TYW1B: variants seen among roughly 807,000 people sequenced by gnomAD.
TYW1B encodes S-adenosyl-L-methionine-dependent tRNA 4-demethylwyosine synthase TYW1B.
A neutral mutation model predicts 86.9 loss-of-function variants in TYW1B; 73 were observed. The observed-to-expected ratio is 0.84, with a 90% confidence interval of 0.70 to 1.02. TYW1B has a LOEUF of 1.02. Among genes scored for constraint, TYW1B ranks in the 50% least tolerant of loss-of-function variants. The pLI is 0.00. For missense variants in TYW1B, 637 were observed against 827.4 expected (o/e 0.77, Z 2.82); for synonymous variants, 248 against 292.8 (o/e 0.85, Z 1.56).
At chr7:72,797,718 A>G (rs1187533788) in intron 6 of TYW1B, among the ~76,000 whole-genome samples, 2 of 152,166 alleles carry the variant, frequency 1.3e-5, no homozygotes, top group Admixed American at 1.3e-4. Context: ...CCCTGTCTCA[A>G]AAACATCAAA....
At chr7:72,587,029 T>C (rs1260564667) in intron 13 of TYW1B, among the ~76,000 whole-genome samples, 1 of 152,198 alleles carries the variant, frequency 6.6e-6, no homozygotes, top group African/African-American at 2.4e-5. Flanking sequence ...GGCTTTTATG[T>C]AATCTTAGTG....
chr7:72,681,610 T>C (rs1328680604), intron 11 of TYW1B, among the ~76,000 whole-genome samples: 2 of 149,842 alleles, frequency 1.3e-5, no homozygotes, highest in Non-Finnish European at 3.0e-5. Context: ...TTTTTTTTTT[T>C]TTGAGTTAGA....
Position 72,728,861 on chromosome 7 carries a change from C to A in TYW1B, c.1153G>T (p.Ala385Ser), listed in dbSNP as rs1373672981. The A allele has an allele frequency of 1.9e-6, 3 of 1,613,836 alleles. No homozygotes were observed. In the African/African-American group the frequency reaches 4.0e-5, roughly 22 times the overall value. ...ATCATGTTCTGATGGTTTTCAATGG[C>A]TTCCTTCAAGATCATTTCAGGCTGG... ...MDQPEMILKEAIENHQNMIKQ... is the reference protein window; with the variant it reads ...MDQPEMILKESIENHQNMIKQ... The change falls in exon 9 of 14, where the codon GCC becomes TCC. Residue 385 changes from alanine (A) to serine (S), a missense_variant. Ala to Ser is a moderately conservative substitution (Grantham distance 99, BLOSUM62 1). Transcript: ENST00000620995.
chr7:72,648,544 GAAA>G (rs1171338007), intron 11 of TYW1B, among the ~76,000 whole-genome samples: 1 of 75,204 alleles, frequency 1.3e-5, no homozygotes, highest in Non-Finnish European at 2.9e-5. Context: ...CTCTGTCTCA[GAAA>G]AAAAAAAAAA....
chr7:72,731,139 A>AG (rs1305582493), intron 8 of TYW1B, among the ~76,000 whole-genome samples: 1 of 149,808 alleles, frequency 6.7e-6, no homozygotes, highest in East Asian at 1.9e-4. Context: ...AAAAAAAAAA[A>AG]AAAAAAAAGA....
At position 72,721,729 on chromosome 7, in the gene TYW1B, T is replaced by C. The variant is rs563118737; in HGVS notation, c.1192+7093A>G. 3.9e-5 allele frequency among the ~76,000 whole-genome samples: 6 copies of C among 152,216 alleles called. No homozygotes were observed. In the South Asian group the frequency reaches 1.2e-3, roughly 32 times the overall value. On this transcript the variant is annotated intron_variant, in intron 9 of 13. Transcript: ENST00000620995. The stretch of plus-strand genomic sequence containing the variant: ...AATCTTAACCCTTTCACAACTAAAC[T>C]CTGCTTTGTTATTCTAGTTCTTTGG...
chr7:72,761,326 A>G (rs1174192859), intron 7 of TYW1B, among the ~76,000 whole-genome samples: 1 of 152,178 alleles, frequency 6.6e-6, no homozygotes, highest in Non-Finnish European at 1.5e-5. Flanking sequence ...GGTTACGAAC[A>G]GTTAAAAATT....
In TYW1B at chr7:72,815,535, C is replaced by T. The variant is rs1162251927; in HGVS notation, c.136-54G>A. On this transcript the variant is annotated intron_variant, in intron 2 of 13. Coordinates refer to ENST00000620995, the MANE Select transcript of TYW1B (RefSeq NM_001145440.3). ...AAGTCTTCAATGAGCCAAATATAGCCCTCATTTACCCCTGTTGGCACAAGA... is the reference window on the plus strand; with the variant it reads ...AAGTCTTCAATGAGCCAAATATAGCTCTCATTTACCCCTGTTGGCACAAGA... The T allele has an allele frequency of 3.4e-6, 5 of 1,479,884 alleles. No homozygotes were observed. In the Admixed American group the frequency reaches 1.0e-4, roughly 31 times the overall value. The allele number at this position is 1,479,884 out of a possible 1,614,324, so 91.7% of individuals were successfully genotyped here. A position where few individuals can be genotyped will look rare whatever the true frequency, so the allele number is the denominator to read the frequency against.
intron 7 of TYW1B, among the ~76,000 whole-genome samples, chr7:72,752,424 C>CA (rs782087109): frequency 7.2e-5 from 11 of 152,010 alleles, no homozygotes; most frequent in Non-Finnish European, 1.2e-4. Flanking sequence ...GTTTCACAGG[C>CA]ATATACATGT....
At chr7:72,679,628 T>C (rs1229422699) in intron 11 of TYW1B, among the ~76,000 whole-genome samples, 5 of 152,178 alleles carry the variant, frequency 3.3e-5, no homozygotes, top group South Asian at 2.1e-4. Flanking sequence ...GTGGTAATAG[T>C]TGCATATAAT....
intron 7 of TYW1B, among the ~76,000 whole-genome samples, chr7:72,767,777 C>G (rs1312729308): frequency 7.2e-5 from 11 of 152,114 alleles, no homozygotes; most frequent in Non-Finnish European, 2.9e-5. Context: ...AAATAACCAT[C>G]ATTTTCTTCT....
intron 9 of TYW1B, among the ~76,000 whole-genome samples, chr7:72,725,217 C>T (rs1786975898): frequency 1.3e-5 from 2 of 151,698 alleles, no homozygotes; most frequent in Non-Finnish European, 2.9e-5. Context: ...TGCAAAAACG[C>T]TCCTGTCAGA....
At chr7:72,751,736 T>C (rs1469692380) in intron 7 of TYW1B, among the ~76,000 whole-genome samples, 3 of 152,250 alleles carry the variant, frequency 2.0e-5, no homozygotes, top group African/African-American at 4.8e-5. Flanking sequence ...GTCTATTATG[T>C]TGGAAATTCT....
intron 6 of TYW1B, among the ~76,000 whole-genome samples, chr7:72,787,835 A>G (rs1215962364): frequency 6.6e-6 from 1 of 152,178 alleles, no homozygotes; most frequent in Non-Finnish European, 1.5e-5. Context: ...CGGCTTTTCA[A>G]GATTATAAAG....
At chr7:72,668,441 G>A (rs1813517440) in intron 11 of TYW1B, among the ~76,000 whole-genome samples, 1 of 152,204 alleles carries the variant, frequency 6.6e-6, no homozygotes, top group Non-Finnish European at 1.5e-5. Context: ...TCAGCTTGTG[G>A]ACAGCTAGAT....
At chr7:72,693,310 C>T (rs1464597415) in intron 11 of TYW1B, among the ~76,000 whole-genome samples, 2 of 151,466 alleles carry the variant, frequency 1.3e-5, no homozygotes, top group African/African-American at 4.8e-5. Context: ...AAATGACATT[C>T]AATGTGAACA....
At position 72,781,068 on chromosome 7, in the gene TYW1B, T is replaced by C. The variant is rs11982731; in HGVS notation, c.847-3535A>G. On this transcript the variant is annotated intron_variant, in intron 6 of 13. Transcript: ENST00000620995. ...CCCATTTAAAGATGAGTGGCCAAGTTCTGTAACCACATAACTAGCCCAATC... is the reference window on the plus strand; with the variant it reads ...CCCATTTAAAGATGAGTGGCCAAGTCCTGTAACCACATAACTAGCCCAATC... Among the ~76,000 whole-genome samples, 761 of 152,124 alleles carry C rather than the reference T, an allele frequency of 5.0e-3. 7 individuals are homozygous for C. Among genetic ancestry groups the C allele is most frequent in the African/African-American group, 0.018 (737 of 41,506 alleles).
chr7:72,790,177 C>G lies in TYW1B; in HGVS notation c.846+12223G>C, dbSNP rs1456524984. 4.6e-5 allele frequency among the ~76,000 whole-genome samples: 7 copies of G among 151,890 alleles called. No individual in the cohort carries two copies. In the South Asian group the frequency reaches 1.2e-3, roughly 27 times the overall value. On this transcript the variant is annotated intron_variant, in intron 6 of 13. Transcript: ENST00000620995. The stretch of plus-strand genomic sequence containing the variant: ...ATGGTGGTCAGGCTGGTCTCCTGAC[C>G]TCAGGTGATCCACCTGCCTCGGCCT...
At chr7:72,707,825 G>A (rs1239206679) in intron 10 of TYW1B, among the ~76,000 whole-genome samples, 1 of 152,222 alleles carries the variant, frequency 6.6e-6, no homozygotes. Flanking sequence ...CAATGTTGGA[G>A]GAGGGGCCTG....
Sources: allele counts gnomAD v4.1 joint callset (sites outside exome capture counted in the v4.1 genomes callset), GRCh38; gene constraint gnomAD v4.1.1; transcripts MANE v1.5; gene names NCBI Gene and HGNC (gene_info 2026-07-23, HGNC 2026-07-21).